The following TYW1B variants were observed in gnomAD, a reference collection of about 807,000 sequenced individuals.
TYW1B encodes S-adenosyl-L-methionine-dependent tRNA 4-demethylwyosine synthase TYW1B.
A neutral mutation model predicts 86.9 loss-of-function variants in TYW1B; 73 were observed. That is an observed-to-expected ratio of 0.84 (90% CI 0.70 to 1.02). The LOEUF (loss-of-function observed/expected upper bound fraction) is 1.02. Among genes scored for constraint, TYW1B ranks in the 50% least tolerant of loss-of-function variants. The pLI is 0.00. For synonymous variants in TYW1B, 248 were observed against 292.8 expected (o/e 0.85, Z 1.56); for missense variants, 637 against 827.4 (o/e 0.77, Z 2.82).
intron 7 of TYW1B, among the ~76,000 whole-genome samples, chr7:72,748,134 T>C (rs1337879602): frequency 6.6e-6 from 1 of 152,006 alleles, no homozygotes; most frequent in Non-Finnish European, 1.5e-5. Context: ...CCGGGCTTGG[T>C]GGCGGGCGCC....
chr7:72,658,207 C>T (rs1418126428), intron 11 of TYW1B, among the ~76,000 whole-genome samples: 1 of 151,704 alleles, frequency 6.6e-6, no homozygotes. Context: ...GCTGAGATCG[C>T]GCCACTGCGC....
At chr7:72,609,457 G>C (rs781839386) in intron 13 of TYW1B, among the ~76,000 whole-genome samples, 11 of 152,100 alleles carry the variant, frequency 7.2e-5, no homozygotes, top group South Asian at 2.1e-4. Flanking sequence ...TACTCAAGAG[G>C]CTTAAGCAGG....
chr7:72,726,644 G>C (rs571130779), intron 9 of TYW1B, among the ~76,000 whole-genome samples: 1 of 152,118 alleles, frequency 6.6e-6, no homozygotes, highest in East Asian at 1.9e-4. Context: ...GATTACAAGC[G>C]TGAGGCACCG....
At chr7:72,655,861 AC>A (rs1813189981) in intron 11 of TYW1B, among the ~76,000 whole-genome samples, 1 of 152,088 alleles carries the variant, frequency 6.6e-6, no homozygotes, top group South Asian at 2.1e-4. Context: ...GTCACCGCCC[AC>A]TGTCACCAAC....
chr7:72,780,641 A>T (rs138313923), intron 6 of TYW1B, among the ~76,000 whole-genome samples: 2 of 152,136 alleles, frequency 1.3e-5, no homozygotes, highest in Non-Finnish European at 2.9e-5. Context: ...TCCCTTCACT[A>T]GAGAAAGTAT....
intron 10 of TYW1B, among the ~76,000 whole-genome samples, chr7:72,698,855 A>G (rs1240750420): frequency 6.6e-6 from 1 of 152,192 alleles, no homozygotes; most frequent in Non-Finnish European, 1.5e-5. Flanking sequence ...TGATCTGTGA[A>G]ATGCAGATTC....
intron 11 of TYW1B, among the ~76,000 whole-genome samples, chr7:72,677,432 G>T (rs548390782): frequency 6.6e-5 from 10 of 152,156 alleles, no homozygotes; most frequent in Admixed American, 2.0e-4. Flanking sequence ...ACAGGCGTGA[G>T]CCACCACATC....
At chr7:72,779,712 CA>C (rs58301724) in intron 6 of TYW1B, among the ~76,000 whole-genome samples, 68 of 64,276 alleles carry the variant, frequency 1.1e-3, no homozygotes, top group African/African-American at 1.1e-3. Context: ...GACTCTGCCT[CA>C]AAAAAAAAAA....
intron 6 of TYW1B, among the ~76,000 whole-genome samples, chr7:72,788,252 T>G (rs1204691978): frequency 2.0e-5 from 3 of 152,080 alleles, no homozygotes; most frequent in Admixed American, 2.0e-4. Context: ...GGATTGGGAT[T>G]ACAGGAGTGA....
intron 9 of TYW1B, among the ~76,000 whole-genome samples, chr7:72,717,080 C>CA: frequency 6.6e-6 from 1 of 152,024 alleles, no homozygotes; most frequent in South Asian, 2.1e-4. Flanking sequence ...ATGGGTGCAT[C>CA]AGTTGAAGTC....
intron 10 of TYW1B, among the ~76,000 whole-genome samples, chr7:72,702,447 G>C (rs1184208748): frequency 1.3e-5 from 2 of 152,068 alleles, no homozygotes; most frequent in Non-Finnish European, 2.9e-5. Flanking sequence ...GGGTGGAATG[G>C]TGTGATTTCA....
rs1379594256 is a variant in TYW1B at position 72,641,355 on chromosome 7, G to A, written c.1507-12358C>T. On this transcript the variant is annotated intron_variant, in intron 11 of 13. Transcript: ENST00000620995. ...TCAAACTCTTCCAAAAAAAATAGAAGAGGAAACACTTCACACCTCCTTCTC... is the reference window on the plus strand; with the variant it reads ...TCAAACTCTTCCAAAAAAAATAGAAAAGGAAACACTTCACACCTCCTTCTC... Among the ~76,000 whole-genome samples the A allele has an allele frequency of 7.9e-5, 12 of 152,074 alleles. 1 individual carries two copies. The highest frequency in any genetic ancestry group is 2.6e-4 in the Admixed American group (4 of 15,256).
intron 10 of TYW1B, among the ~76,000 whole-genome samples, chr7:72,709,816 T>C (rs563278906): frequency 4.9e-4 from 75 of 152,348 alleles, no homozygotes; most frequent in African/African-American, 1.3e-3. Flanking sequence ...ATTAGCCCAA[T>C]CCTGCCACCT....
intron 6 of TYW1B, among the ~76,000 whole-genome samples, chr7:72,790,114 AT>A (rs1184549063): frequency 1.6e-3 from 236 of 144,258 alleles, no homozygotes; most frequent in Middle Eastern, 3.6e-3. Context: ...CGCCTGGCTA[AT>A]TTTTTTTTTT....
intron 11 of TYW1B, among the ~76,000 whole-genome samples, chr7:72,642,858 A>AC (rs1464897376): frequency 1.3e-5 from 2 of 152,142 alleles, no homozygotes; most frequent in African/African-American, 4.8e-5. Flanking sequence ...CCAAGATCAC[A>AC]CCACTGCACT....
At chr7:72,763,230 C>T (rs975262504) in intron 7 of TYW1B, among the ~76,000 whole-genome samples, 2 of 146,138 alleles carry the variant, frequency 1.4e-5, no homozygotes, top group South Asian at 2.2e-4. Context: ...TTTTTGATTA[C>T]TTGGGAAAAC....
rs1232700184 is a variant in TYW1B, at chr7:72,589,001, T to C, written c.1786-13282A>G. 1.1e-4 allele frequency among the ~76,000 whole-genome samples: 17 copies of C among 152,186 alleles called. No homozygotes were observed. In the South Asian group the frequency reaches 3.1e-3, roughly 28 times the overall value. ...CTAATTTTTATATTTTCAGTAAAGA[T>C]GGGGTTTTGCCATGTTGGCCAGGCT... On this transcript the variant is annotated intron_variant, in intron 13 of 13. Transcript: ENST00000620995.
At position 72,744,593 on chromosome 7, in the gene TYW1B, G is replaced by C. The variant is rs1301335559; in HGVS notation, c.973C>G (p.Pro325Ala). 1 of 1,613,686 alleles carries C rather than the reference G, an allele frequency of 6.2e-7. No individual in the cohort carries two copies. The highest frequency in any genetic ancestry group is 8.5e-7 in the Non-Finnish European group (1 of 1,179,778). Residue 325 changes from proline to alanine, a missense_variant, in exon 8 of 14, where the codon CCG becomes GCG. Physicochemically the swap from Pro to Ala is conservative, Grantham distance 27 (BLOSUM62 -1). Transcript: ENST00000620995. The stretch of plus-strand genomic sequence containing the variant: ...GTTTGTAACAAGCTCCTCTCCCTCG[G>C]AGCATCGACTATGACAAGTAAACAA... ...REALTKQVDA[P>A]RERSLLQTHI...
chr7:72,751,527 G>C (rs1389179267), intron 7 of TYW1B, among the ~76,000 whole-genome samples: 2 of 152,122 alleles, frequency 1.3e-5, no homozygotes, highest in African/African-American at 4.8e-5. Flanking sequence ...TCTTTGCTGA[G>C]ATTTCTTTTT....
Sources: allele counts gnomAD v4.1 joint callset (sites outside exome capture counted in the v4.1 genomes callset), GRCh38; gene constraint gnomAD v4.1.1; transcripts MANE v1.5; gene names NCBI Gene and HGNC (gene_info 2026-07-23, HGNC 2026-07-21).